The following HS3ST5 variants were observed in gnomAD, a reference collection of about 807,000 sequenced individuals.
HS3ST5 encodes the protein heparan sulfate-glucosamine 3-sulfotransferase 5.
HS3ST5 carries 10 observed loss-of-function variants against 25.4 expected under a neutral mutation model. The ratio of observed to expected loss-of-function variants is 0.39; its 90% CI spans 0.24 to 0.67. The LOEUF (loss-of-function observed/expected upper bound fraction) is 0.67. Ranked by LOEUF, HS3ST5 falls within the 30% of genes least tolerant of loss-of-function variation. HS3ST5 has a pLI of 0.44. For synonymous variants in HS3ST5, 170 were observed against 162.4 expected (o/e 1.05, Z -0.36); for missense variants, 324 against 420.7 (o/e 0.77, Z 2.01).
At chr6:114,277,214 G>GCT (rs1202245109) in intron 1 of HS3ST5, among the ~76,000 whole-genome samples, 4 of 143,994 alleles carry the variant, frequency 2.8e-5, no homozygotes, top group Non-Finnish European at 6.2e-5. Context: ...TATTAAAGCT[G>GCT]TTTTTTTTTT....
intron 1 of HS3ST5, among the ~76,000 whole-genome samples, chr6:114,303,303 T>A (rs2114816332): frequency 6.6e-6 from 1 of 152,116 alleles, no homozygotes; most frequent in African/African-American, 2.4e-5. Flanking sequence ...CTCTCCTTCC[T>A]CAGTCCCCCC....
At chr6:114,291,692 C>G (rs1454287566) in intron 1 of HS3ST5, among the ~76,000 whole-genome samples, 1 of 152,150 alleles carries the variant, frequency 6.6e-6, no homozygotes, top group Non-Finnish European at 1.5e-5. Flanking sequence ...GGAAAAAGAT[C>G]TGAAATGTCA....
chr6:114,099,879 C>G (rs185855286), intron 3 of HS3ST5, among the ~76,000 whole-genome samples: 48 of 152,152 alleles, frequency 3.2e-4, no homozygotes, highest in African/African-American at 1.1e-3. Context: ...GACTCTTGGC[C>G]TTTTCATATA....
chr6:114,150,418 C>T (rs1463944118), intron 3 of HS3ST5, among the ~76,000 whole-genome samples: 1 of 152,186 alleles, frequency 6.6e-6, no homozygotes, highest in African/African-American at 2.4e-5. Context: ...CATAAGCAAA[C>T]GTATAGAGGC....
chr6:114,287,973 G>A (rs1774410126), intron 1 of HS3ST5, among the ~76,000 whole-genome samples: 1 of 151,834 alleles, frequency 6.6e-6, no homozygotes, highest in Non-Finnish European at 1.5e-5. Flanking sequence ...ACTGAAACTA[G>A]CAATGTGTGA....
intron 3 of HS3ST5, among the ~76,000 whole-genome samples, chr6:114,069,949 T>A (rs1170814148): frequency 1.3e-5 from 2 of 152,050 alleles, no homozygotes; most frequent in African/African-American, 4.8e-5. Context: ...TAAAAAATAA[T>A]TTCAATAGTT....
At chr6:114,214,325 G>GT (rs1397083700) in intron 2 of HS3ST5, among the ~76,000 whole-genome samples, 2 of 152,074 alleles carry the variant, frequency 1.3e-5, no homozygotes, top group African/African-American at 4.8e-5. Context: ...TTCCAGCAAC[G>GT]TACTTTTTCT....
At chr6:114,256,280 C>T (rs983677601) in intron 1 of HS3ST5, among the ~76,000 whole-genome samples, 25 of 151,314 alleles carry the variant, frequency 1.7e-4, no homozygotes, top group African/African-American at 5.3e-4. Flanking sequence ...CCCAGCTACC[C>T]GGGAGGCTGA....
intron 2 of HS3ST5, among the ~76,000 whole-genome samples, chr6:114,195,561 G>A (rs1413121594): frequency 2.0e-5 from 3 of 152,176 alleles, no homozygotes; most frequent in Non-Finnish European, 2.9e-5. Context: ...GATTCTATCT[G>A]TTTTATAATC....
intron 1 of HS3ST5, among the ~76,000 whole-genome samples, chr6:114,237,284 C>A (rs948009476): frequency 1.3e-5 from 2 of 149,996 alleles, no homozygotes; most frequent in Admixed American, 6.7e-5. Context: ...ATGTTAATAC[C>A]AAGGGAAAGT....
chr6:114,202,056 A>C (rs115881662), intron 2 of HS3ST5, among the ~76,000 whole-genome samples: 2,579 of 152,192 alleles, frequency 0.017, 36 homozygotes, highest in African/African-American at 0.04. Context: ...GTGGGGACAC[A>C]GCCAAATCAC....
At chr6:114,072,912 A>G (rs533784714) in intron 3 of HS3ST5, among the ~76,000 whole-genome samples, 10 of 152,348 alleles carry the variant, frequency 6.6e-5, no homozygotes, top group African/African-American at 2.4e-4. Flanking sequence ...GGCTACAGTA[A>G]CCAAAACAGC....
chr6:114,224,813 C>A (rs1423945078), intron 2 of HS3ST5, among the ~76,000 whole-genome samples: 1 of 151,510 alleles, frequency 6.6e-6, no homozygotes, highest in Admixed American at 6.6e-5. Flanking sequence ...TATTACATCA[C>A]CCTAATCTCT....
At chr6:114,239,352 G>A (rs528139765) in intron 1 of HS3ST5, among the ~76,000 whole-genome samples, 3 of 152,290 alleles carry the variant, frequency 2.0e-5, no homozygotes, top group South Asian at 2.1e-4. Flanking sequence ...CCATCACCCT[G>A]ATATGAGCTG....
At chr6:114,185,485 G>T (rs929166924) in intron 2 of HS3ST5, among the ~76,000 whole-genome samples, 2 of 152,102 alleles carry the variant, frequency 1.3e-5, no homozygotes, top group African/African-American at 4.8e-5. Flanking sequence ...AATGTTTGTT[G>T]TCTAAGCCAC....
intron 1 of HS3ST5, chr6:114,251,773 G>A (rs1452521329): frequency 6.6e-6 from 1 of 152,246 alleles, no homozygotes; most frequent in Non-Finnish European, 1.5e-5. Flanking sequence ...AATAATGGAG[G>A]AGACCCACAG....
Position 114,214,269 on chromosome 6 carries a change from A to G in HS3ST5, c.-145+14316T>C, listed in dbSNP as rs555625681. Among the ~76,000 whole-genome samples the G allele has an allele frequency of 3.3e-5, 5 of 152,338 alleles. No homozygotes were observed. In the East Asian group the frequency reaches 7.7e-4, roughly 23 times the overall value. ...GCTTCTCCCAATGTTAGTATCTTGC[A>G]TAACTTTTAACTAAACATTCCAGTT... is the stretch of plus-strand genomic sequence containing the variant. On this transcript the variant is annotated intron_variant, in intron 2 of 4. Coordinates refer to ENST00000312719, the MANE Select transcript of HS3ST5 (RefSeq NM_153612.4).
At chr6:114,120,012 A>G (rs1463210441) in intron 3 of HS3ST5, among the ~76,000 whole-genome samples, 7 of 152,072 alleles carry the variant, frequency 4.6e-5, no homozygotes, top group Non-Finnish European at 1.0e-4. Flanking sequence ...AGGTGTGGTG[A>G]CATGTGCCTG....
chr6:114,146,043 T>C (rs533508636), intron 3 of HS3ST5, among the ~76,000 whole-genome samples: 2 of 152,184 alleles, frequency 1.3e-5, no homozygotes, highest in South Asian at 4.1e-4. Context: ...TAATTTTCAA[T>C]AGAAAAAAAT....
Sources: allele counts gnomAD v4.1 joint callset (sites outside exome capture counted in the v4.1 genomes callset), GRCh38; gene constraint gnomAD v4.1.1; transcripts MANE v1.5; gene names NCBI Gene and HGNC (gene_info 2026-07-23, HGNC 2026-07-21).